CCDC124: variants seen among roughly 807,000 people sequenced by gnomAD.
CCDC124 encodes coiled-coil domain containing 124, also known as coiled-coil domain-containing protein 124.
CCDC124 carries 9 observed loss-of-function variants against 19.8 expected under a neutral mutation model. The observed-to-expected ratio is 0.45, with a 90% CI of 0.27 to 0.79. CCDC124 has a LOEUF of 0.79. Among genes scored for constraint, CCDC124 ranks in the 30% least tolerant of loss-of-function variants. The pLI, the probability that CCDC124 is intolerant of heterozygous loss-of-function variation, is 0.14. For synonymous variants in CCDC124, 126 were observed against 131.3 expected (o/e 0.96, Z 0.27); for missense variants, 285 against 319.0 (o/e 0.89, Z 0.81).
chr19:17,941,177 C>T (rs2031171958), intron 2 of CCDC124, among the ~76,000 whole-genome samples: 1 of 152,164 alleles, frequency 6.6e-6, no homozygotes, highest in African/African-American at 2.4e-5. Context: ...CATACCCCTC[C>T]TGGTCAGTCC....
intron 2 of CCDC124, among the ~76,000 whole-genome samples, chr19:17,937,156 C>CT (rs1409304789): frequency 6.6e-6 from 1 of 152,064 alleles, no homozygotes; most frequent in African/African-American, 2.4e-5. Context: ...TGGCAGGCTC[C>CT]TGTAATCCCA....
chr19:17,939,712 T>C (rs1309642605), intron 2 of CCDC124, among the ~76,000 whole-genome samples: 1 of 151,744 alleles, frequency 6.6e-6, no homozygotes, highest in Non-Finnish European at 1.5e-5. Context: ...AACCTCTGCC[T>C]CCCAAGTTCA....
intron 2 of CCDC124, chr19:17,936,896 A>G (rs2031078156): frequency 1.6e-5 from 3 of 191,224 alleles, no homozygotes; most frequent in Non-Finnish European, 3.2e-5. Context: ...GAATTGCTTC[A>G]ACTGGGAGGC....
chr19:17,940,498 G>C (rs1268431262), intron 2 of CCDC124, among the ~76,000 whole-genome samples: 2 of 152,256 alleles, frequency 1.3e-5, no homozygotes, highest in Admixed American at 6.5e-5. Flanking sequence ...CGGGCATGGT[G>C]GCTCACACCT....
In CCDC124 at chr19:17,942,892, G is replaced by A; in HGVS notation, c.349+47G>A. 6.9e-7 allele frequency: 1 copy of A among 1,457,952 alleles called. No individual in the cohort carries two copies. Among genetic ancestry groups the A allele is most frequent in the South Asian group, 1.5e-5 (1 of 68,944 alleles). The allele number at this position is 1,457,952 out of a possible 1,614,324, so 90.3% of individuals were successfully genotyped here. A position where few individuals can be genotyped will look rare whatever the true frequency, so the allele number is the denominator to read the frequency against. On this transcript the variant is annotated intron_variant, in intron 3 of 4. Coordinates refer to ENST00000445755, the MANE Select transcript of CCDC124 (RefSeq NM_001136203.2). The surrounding 1 kb of genome is among the most constrained non-coding windows in gnomAD (Gnocchi z 4.2). ...GAGCTGCACTTTTGCCCACTGCAGA[G>A]GCAGTGGACCTTGAGTCCATTAGCC...
At chr19:17,938,603 G>GT (rs1217968508) in intron 2 of CCDC124, among the ~76,000 whole-genome samples, 3 of 151,820 alleles carry the variant, frequency 2.0e-5, no homozygotes, top group East Asian at 1.9e-4. Context: ...TCTTTTTTTT[G>GT]TTTTTTTAAA....
intron 2 of CCDC124, 134 bp downstream of exon 2, chr19:17,936,713 G>A (rs1419860934): frequency 1.2e-5 from 13 of 1,097,716 alleles, no homozygotes; most frequent in East Asian, 1.1e-4. Flanking sequence ...AGGCGCTGTC[G>A]CTCACGCCTG....
intron 2 of CCDC124, 149 bp downstream of exon 2, chr19:17,936,728 C>A: frequency 1.0e-6 from 1 of 989,602 alleles, no homozygotes; most frequent in Non-Finnish European, 1.5e-6. Context: ...CGCCTGTCAT[C>A]CCAGTACTTT....
chr19:17,934,766 G>C (rs1338562675), intron 1 of CCDC124, among the ~76,000 whole-genome samples: 1 of 152,128 alleles, frequency 6.6e-6, no homozygotes, highest in Non-Finnish European at 1.5e-5. Flanking sequence ...CTGGGCGACA[G>C]AGTGAGACCC....
intron 2 of CCDC124, among the ~76,000 whole-genome samples, chr19:17,941,078 A>C (rs188041984): frequency 6.6e-6 from 1 of 151,786 alleles, no homozygotes; most frequent in Admixed American, 6.6e-5. Flanking sequence ...AAACACAAAA[A>C]ACCTTTACCA....
In CCDC124 at chr19:17,942,748, C is replaced by G. The variant is rs4808106; in HGVS notation, c.252C>G (p.Gly84=). 0.011 allele frequency: 16,981 copies of G among 1,549,292 alleles called. 124 individuals carry two copies. Among genetic ancestry groups the G allele is most frequent in the Non-Finnish European group, 0.013 (14,401 of 1,146,884 alleles). Reference sequence around the variant, plus strand: ...AGGAGGACTCCAAGCTCAAGGGCGGCAAGGCGCCGCGGGTGGCCACGTCCA... The same window carrying G: ...AGGAGGACTCCAAGCTCAAGGGCGGGAAGGCGCCGCGGGTGGCCACGTCCA... ...LEEEDSKLKG[G]KAPRVATSSK... The change falls in exon 3 of 5, where the codon GGC becomes GGG. Residue 84 remains glycine (G), a synonymous_variant. Coordinates refer to ENST00000445755, the MANE Select transcript of CCDC124 (RefSeq NM_001136203.2). This position sits in a 1 kb window ranked among gnomAD's most constrained non-coding sequence, Gnocchi z 4.2.
At chr19:17,934,300 T>G (rs1354615364) in intron 1 of CCDC124, among the ~76,000 whole-genome samples, 1 of 148,876 alleles carries the variant, frequency 6.7e-6, no homozygotes, top group Admixed American at 6.6e-5. Flanking sequence ...ACAGGAGAAT[T>G]GCTTGAACCG....
chr19:17,939,848 C>G (rs2031139395), intron 2 of CCDC124, among the ~76,000 whole-genome samples: 1 of 151,464 alleles, frequency 6.6e-6, no homozygotes, highest in Non-Finnish European at 1.5e-5. Flanking sequence ...GTCTAAAACT[C>G]CTGGCCCCAA....
rs570406585 is a variant in CCDC124 at position 17,942,568 on chromosome 19, T to C, written c.160-88T>C. 9.5e-5 allele frequency: 136 copies of C among 1,424,378 alleles called. No homozygotes were observed. In the South Asian group the frequency reaches 1.7e-3, roughly 18 times the overall value. 88.2% of individuals were successfully genotyped at this position (1,424,378 alleles called of 1,614,324 possible). On this transcript the variant is annotated intron_variant, in intron 2 of 4. Transcript: ENST00000445755. This position sits in a 1 kb window ranked among gnomAD's most constrained non-coding sequence, Gnocchi z 4.2. ...ACCCAGCACAGAGCCTAAATCCTCGTTGGCTGAGATGAAAACTCGAACCCC... is the reference window on the plus strand; with the variant it reads ...ACCCAGCACAGAGCCTAAATCCTCGCTGGCTGAGATGAAAACTCGAACCCC...
chr19:17,941,145 C>G (rs1018897367), intron 2 of CCDC124, among the ~76,000 whole-genome samples: 3 of 152,128 alleles, frequency 2.0e-5, no homozygotes, highest in African/African-American at 7.2e-5. Context: ...CTAGAATATT[C>G]TCAGCCCCCG....
chr19:17,936,589 C>G lies in CCDC124; in HGVS notation c.159+10C>G, dbSNP rs1179281084. The G allele has an allele frequency of 6.2e-7, 1 of 1,608,472 alleles. No individual in the cohort carries two copies. On this transcript the variant is annotated intron_variant, in intron 2 of 4. Transcript: ENST00000445755. ...GAAGGAGCAGCGCAAGGTGCGTGCA[C>G]TCCGAGTCCCCGCGGCCCGCATGCC...
In CCDC124 at chr19:17,942,144, C is replaced by T. The variant is rs1177445970; in HGVS notation, c.160-512C>T. On this transcript the variant is annotated intron_variant, in intron 2 of 4. Transcript: ENST00000445755. The surrounding 1 kb of genome is among the most constrained non-coding windows in gnomAD (Gnocchi z 4.2). ...GCAGGGAAACGTGGACAGTGCTGCC[C>T]GACTCATAAGGGCAGAGCCCCTGCC... is the stretch of plus-strand genomic sequence containing the variant. 6.6e-6 allele frequency among the ~76,000 whole-genome samples: 1 copy of T among 152,058 alleles called. No individual in the cohort carries two copies.
chr19:17,940,697 C>T (rs1341688018), intron 2 of CCDC124, among the ~76,000 whole-genome samples: 15 of 142,928 alleles, frequency 1.0e-4, no homozygotes, highest in Non-Finnish European at 2.1e-4. Flanking sequence ...ACCTGGGAGG[C>T]AGAGGTTGCA....
At chr19:17,935,891 C>T (rs115525766) in intron 1 of CCDC124, among the ~76,000 whole-genome samples, 244 of 150,774 alleles carry the variant, frequency 1.6e-3, no homozygotes, top group African/African-American at 5.6e-3. Flanking sequence ...CCGGAATTGT[C>T]CACCTTTAAA....
Sources: allele counts gnomAD v4.1 joint callset (sites outside exome capture counted in the v4.1 genomes callset), GRCh38; gene constraint gnomAD v4.1.1; non-coding constraint Gnocchi (gnomAD v3.1); transcripts MANE v1.5; gene names NCBI Gene and HGNC (gene_info 2026-07-23, HGNC 2026-07-21).